CLIC2: variants seen among roughly 807,000 people sequenced by gnomAD.
CLIC2 encodes the protein chloride intracellular channel protein 2.
Under a neutral mutation model 14.8 loss-of-function variants are expected in CLIC2, and 9 were observed. The observed-to-expected ratio is 0.61, with a 90% CI of 0.37 to 1.06. CLIC2 has a LOEUF of 1.06. Among genes scored for constraint, CLIC2 ranks in the 50% least tolerant of loss-of-function variants. CLIC2 has a pLI of 0.01. For synonymous variants in CLIC2, 61 were observed against 66.3 expected (o/e 0.92, Z 0.39); for missense variants, 148 against 181.4 (o/e 0.82, Z 1.06).
chrX:155,292,545 C>T (rs1306095867), intron 3 of CLIC2: 13 of 445,978 alleles, frequency 2.9e-5, no homozygotes, highest in African/African-American at 9.9e-5. Context: ...CCGAGGTGGG[C>T]AGATCACGAG....
chrX:155,281,267 A>T (rs1250053239), intron 3 of CLIC2, among the ~76,000 whole-genome samples: 1 of 109,239 alleles, frequency 9.2e-6, no homozygotes, highest in Non-Finnish European at 1.9e-5. Flanking sequence ...AGTTATGTAG[A>T]ATGAGTAAGT....
chrX:155,298,045 T>C (rs782168135), intron 3 of CLIC2, among the ~76,000 whole-genome samples: 9 of 107,985 alleles, frequency 8.3e-5, no homozygotes, highest in South Asian at 4.1e-4. Context: ...CTCAGTCATA[T>C]AGCTGCAAGG....
chrX:155,319,428 C>T (rs1303105187), intron 1 of CLIC2, among the ~76,000 whole-genome samples: 3 of 111,849 alleles, frequency 2.7e-5, no homozygotes, highest in Admixed American at 9.5e-5. Flanking sequence ...CAGGGTGGGG[C>T]GTCACCTCAC....
intron 1 of CLIC2, among the ~76,000 whole-genome samples, chrX:155,322,557 T>G (rs1320723431): frequency 8.9e-6 from 1 of 111,744 alleles, no homozygotes; most frequent in Non-Finnish European, 1.9e-5. Context: ...TAAAGCAGTG[T>G]TTAGAGGGAA....
At chrX:155,300,639 C>T (rs1434815943) in intron 1 of CLIC2, among the ~76,000 whole-genome samples, 4 of 108,282 alleles carry the variant, frequency 3.7e-5, no homozygotes, top group African/African-American at 1.3e-4. Flanking sequence ...GTTTTAGACA[C>T]GAAGTCCTTG....
chrX:155,306,261 T>A (rs1297355652), intron 1 of CLIC2, among the ~76,000 whole-genome samples: 1 of 111,081 alleles, frequency 9.0e-6, no homozygotes, highest in Non-Finnish European at 1.9e-5. Context: ...TCCTGCTCAG[T>A]TAGTTCCCTC....
intron 1 of CLIC2, among the ~76,000 whole-genome samples, chrX:155,320,920 C>T (rs1225396639): frequency 1.8e-5 from 2 of 111,301 alleles, no homozygotes; most frequent in Admixed American, 9.5e-5. Flanking sequence ...GAAGCATACA[C>T]AAGTATCAAT....
chrX:155,298,075 C>T (rs1461281019), intron 3 of CLIC2, among the ~76,000 whole-genome samples: 4 of 108,367 alleles, frequency 3.7e-5, no homozygotes, highest in Non-Finnish European at 7.7e-5. Context: ...CTGCCAAAAA[C>T]TTGAATGAAG....
At chrX:155,294,716 T>C (rs975761064) in intron 3 of CLIC2, among the ~76,000 whole-genome samples, 2 of 111,450 alleles carry the variant, frequency 1.8e-5, no homozygotes, top group Admixed American at 9.5e-5. Context: ...ATGTAAGAAA[T>C]ACAAAAGATT....
chrX:155,309,876 CT>C (rs1557320380), intron 1 of CLIC2, among the ~76,000 whole-genome samples: 1 of 111,661 alleles, frequency 9.0e-6, no homozygotes, highest in Non-Finnish European at 1.9e-5. Context: ...AATCTCATGT[CT>C]TCACATTTCA....
In CLIC2 at chrX:155,305,154, C is replaced by G. The variant is rs782370616; in HGVS notation, c.58-6009G>C. On this transcript the variant is annotated intron_variant, in intron 1 of 5. Transcript: ENST00000369449. ...CTTTGTTTACCTAATCAAGCCTGGG[C>G]AATGGCGGGCGCCCCTCCCCCAGCC... Among the ~76,000 whole-genome samples, 155 of 112,289 alleles carry G rather than the reference C, an allele frequency of 1.4e-3. 1 individual carries two copies. Among genetic ancestry groups the G allele is most frequent in the African/African-American group, 4.7e-3 (145 of 31,004 alleles).
chrX:155,297,151 C>A (rs1557318427), intron 3 of CLIC2, among the ~76,000 whole-genome samples: 1 of 111,781 alleles, frequency 8.9e-6, no homozygotes, highest in African/African-American at 3.2e-5. Context: ...GAAATCCTGT[C>A]ATTTGGAACA....
At chrX:155,310,934 C>A (rs1011928699) in intron 1 of CLIC2, among the ~76,000 whole-genome samples, 1 of 112,404 alleles carries the variant, frequency 8.9e-6, no homozygotes, top group Non-Finnish European at 1.9e-5. Flanking sequence ...CGCTTCTAGT[C>A]ATGCCTGGAG....
chrX:155,284,311 G>A (rs2074932891), intron 3 of CLIC2, among the ~76,000 whole-genome samples: 1 of 104,921 alleles, frequency 9.5e-6, no homozygotes, highest in Non-Finnish European at 1.9e-5. Context: ...CCAGGCTAGA[G>A]TGCAATGGCG....
At chrX:155,330,285 A>C (rs1557322690) in intron 1 of CLIC2, among the ~76,000 whole-genome samples, 8 of 111,968 alleles carry the variant, frequency 7.1e-5, no homozygotes, top group Non-Finnish European at 1.3e-4. Flanking sequence ...TGCCTGTATC[A>C]AAATATTCCA....
rs187919474 is a variant in CLIC2, at chrX:155,278,113, C to T, written c.583-49G>A. ...GAAAAAGAAGGCATCAGTAATATGC[C>T]TACTATGTAGAAATGTTTCTTAGAA... On this transcript the variant is annotated intron_variant, in intron 5 of 5. Transcript: ENST00000369449. The T allele has an allele frequency of 7.7e-6, 8 of 1,044,235 alleles. No homozygotes were observed. In the East Asian group the frequency reaches 2.4e-4, roughly 32 times the overall value. 86.1% of individuals were successfully genotyped at this position (1,044,235 alleles called of 1,213,427 possible). A position where few individuals can be genotyped will look rare whatever the true frequency, so the allele number is the denominator to read the frequency against.
chrX:155,297,677 C>G (rs1446505547), intron 3 of CLIC2, among the ~76,000 whole-genome samples: 2 of 88,929 alleles, frequency 2.2e-5, no homozygotes, highest in African/African-American at 4.2e-5. Flanking sequence ...CTCATCTCTA[C>G]TAAAATTACA....
chrX:155,292,658 T>C (rs1052567841), intron 3 of CLIC2: 10 of 259,741 alleles, frequency 3.8e-5, no homozygotes, highest in Non-Finnish European at 6.8e-5. Context: ...TAGTCCCAGC[T>C]ACTGGGGAGG....
intron 3 of CLIC2, among the ~76,000 whole-genome samples, chrX:155,280,434 T>TG (rs1318024130): frequency 1.8e-5 from 2 of 112,066 alleles, no homozygotes; most frequent in Admixed American, 9.5e-5. Context: ...GGCTCACGCC[T>TG]GTAATCCCAG....
Sources: allele counts gnomAD v4.1 joint callset (sites outside exome capture counted in the v4.1 genomes callset), GRCh38; gene constraint gnomAD v4.1.1; transcripts MANE v1.5; gene names NCBI Gene and HGNC (gene_info 2026-07-23, HGNC 2026-07-21).